The following DNAH17 variants were observed in gnomAD, a reference collection of about 807,000 sequenced individuals.
The protein encoded by DNAH17 is dynein axonemal heavy chain 17.
DNAH17 carries 376 observed loss-of-function variants against 485.6 expected under a neutral mutation model. That is an observed-to-expected ratio of 0.77 (90% confidence interval 0.71 to 0.84). The LOEUF is 0.84. Ranked by LOEUF, DNAH17 falls within the 40% of genes least tolerant of loss-of-function variation. DNAH17 has a pLI of 0.00. For synonymous variants in DNAH17, 3,031 were observed against 2,405.9 expected, an observed-to-expected ratio of 1.26 and a Z score of -7.60; for missense variants, 6,370 against 5,839.3, an observed-to-expected ratio of 1.09 and a Z score of -2.96.
chr17:78,438,013 C>T, intron 73 of DNAH17, 145 bp from the exon 74 acceptor site: 2 of 606,994 alleles, frequency 3.3e-6, no homozygotes, highest in Non-Finnish European at 5.7e-6. Context: ...CTGCCCCACC[C>T]CTCACCTGTC....
intron 6 of DNAH17, 114 bp downstream of exon 6, chr17:78,570,834 G>T: frequency 1.6e-6 from 1 of 638,848 alleles, no homozygotes; most frequent in East Asian, 3.7e-5. Context: ...CTCTAGCCTG[G>T]TGACAGAGCG....
In DNAH17 at chr17:78,449,467, G is replaced by C. The variant is rs931460919; in HGVS notation, c.11158C>G (p.Arg3720Gly). 3 of 1,558,314 alleles carry C rather than the reference G, an allele frequency of 1.9e-6. No homozygotes were observed. The highest frequency in any genetic ancestry group is 1.7e-6 in the Non-Finnish European group (2 of 1,150,792). ...AGTTTGTCCCTCTCGAAGAGTCCCC[G>C]GGCCGTGTACATGTAGACGGAGTAG... ...ITYSVYMYTA[R>G]GLFERDKLIF... The change falls in exon 69 of 81, where the codon CGG becomes GGG. Residue 3720 changes from arginine (R) to glycine (G), a missense_variant. By Grantham distance (125) the Arg-to-Gly change is moderately radical. Coordinates refer to ENST00000389840, the MANE Select transcript of DNAH17 (RefSeq NM_173628.4).
At chr17:78,570,873 A>AAAG (rs2092344589) in intron 6 of DNAH17, 75 bp downstream of exon 6, 1 of 790,586 alleles carries the variant, frequency 1.3e-6, no homozygotes, top group Non-Finnish European at 1.8e-6. Flanking sequence ...AAAAAAAAAA[A>AAAG]AAAAAGAAAA....
chr17:78,434,101 C>T lies in DNAH17; in HGVS notation c.12153G>A (p.Ser4051=), dbSNP rs143586804. ...TGAGGTCCCCGTTGTTGAAGGGGTA[C>T]GACCGGTTCCAGCCCTGGGCGCCGA... ...RKFGAQGWNR[S]YPFNNGDLTI... is the part of the protein sequence containing the mutation. The change falls in exon 75 of 81, where the codon TCG becomes TCA. Residue 4051 remains serine, a synonymous_variant. Coordinates refer to ENST00000389840, the MANE Select transcript of DNAH17 (RefSeq NM_173628.4). 7.4e-5 allele frequency: 119 copies of T among 1,613,476 alleles called. No homozygotes were observed. Among genetic ancestry groups the T allele is most frequent in the Admixed American group, 1.8e-4 (11 of 59,984 alleles).
At chr17:78,545,609 C>T (rs953794771) in intron 16 of DNAH17, among the ~76,000 whole-genome samples, 4 of 152,118 alleles carry the variant, frequency 2.6e-5, no homozygotes, top group African/African-American at 7.2e-5. Flanking sequence ...CTCCCCAGGG[C>T]CACGTCTCCA....
At chr17:78,510,360 G>C in intron 27 of DNAH17, 24 bp downstream of exon 27, 3 of 1,610,136 alleles carry the variant, frequency 1.9e-6, no homozygotes, top group Non-Finnish European at 2.5e-6. Flanking sequence ...ACGTTGCACA[G>C]ACAGCACCGC....
At chr17:78,569,576 G>GA in intron 7 of DNAH17, 49 bp from the exon 8 acceptor site, 1 of 1,569,192 alleles carries the variant, frequency 6.4e-7, no homozygotes, top group Non-Finnish European at 8.6e-7. Context: ...AGCCATTTGG[G>GA]GTGACGTCCA....
chr17:78,556,233 C>A (rs561158863), intron 14 of DNAH17, among the ~76,000 whole-genome samples: 2 of 152,266 alleles, frequency 1.3e-5, no homozygotes, highest in African/African-American at 2.4e-5. Flanking sequence ...CCATCCATCC[C>A]TCCATCCTCC....
Position 78,492,783 on chromosome 17 carries a change from C to A in DNAH17, c.6409-18G>T. Reference sequence around the variant, plus strand: ...TTGAGGACCTGGCGAAGGTGGGGGTCACTCACGTGTGACTCCATGTTCCTG... The same window carrying A: ...TTGAGGACCTGGCGAAGGTGGGGGTAACTCACGTGTGACTCCATGTTCCTG... On this transcript the variant is annotated intron_variant, in intron 41 of 80. Transcript: ENST00000389840. 2 of 1,605,902 alleles carry A rather than the reference C, an allele frequency of 1.2e-6. No homozygotes were observed. The highest frequency in any genetic ancestry group is 2.2e-5 in the South Asian group (2 of 90,220).
chr17:78,567,310 CCT>C (rs1352095932), intron 9 of DNAH17, 144 bp from the exon 10 acceptor site: 2 of 763,974 alleles, frequency 2.6e-6, no homozygotes, highest in Admixed American at 2.8e-5. Context: ...GGGAGGACAC[CCT>C]CTGTGTCTGT....
rs140052280 is a variant in DNAH17, at chr17:78,567,034, C to T, written c.1417G>A (p.Asp473Asn). The change falls in exon 10 of 81, where the codon GAC (aspartate) becomes AAC (asparagine). Residue 473 changes from aspartate (D) to asparagine (N), a missense_variant. Coordinates refer to ENST00000389840, the MANE Select transcript of DNAH17 (RefSeq NM_173628.4). The stretch of plus-strand genomic sequence containing the variant: ...GGGTCCAAGGGATCATATTTGCAGT[C>T]GGCAAAAACCTTCACCAGCTCAAAG... The part of the protein sequence containing the change: ...EVFELVKVFA[D>N]CKYDPLDPGD... The T allele has an allele frequency of 4.5e-3, 7,233 of 1,613,538 alleles. 152 individuals are homozygous for T. The highest frequency in any genetic ancestry group is 0.041 in the East Asian group (1,852 of 44,858).
chr17:78,437,786 C>A lies in DNAH17; in HGVS notation c.11888G>T (p.Arg3963Leu). Reference protein sequence around the residue: ...HYSTGSHEDYRVFISAEPAPS... With the variant: ...HYSTGSHEDYLVFISAEPAPS... Reference sequence around the variant, plus strand: ...GGCAGGCTCCGCGCTGATGAACACCCGGTAGTCCTCATGGCTGCCCGTGCT... The same window carrying A: ...GGCAGGCTCCGCGCTGATGAACACCAGGTAGTCCTCATGGCTGCCCGTGCT... Residue 3963 changes from arginine to leucine, a missense_variant, in exon 74 of 81, where the codon CGG (arginine) becomes CTG (leucine). Coordinates refer to ENST00000389840, the MANE Select transcript of DNAH17 (RefSeq NM_173628.4). The A allele has an allele frequency of 6.2e-7, 1 of 1,612,576 alleles. No individual in the cohort carries two copies. Among genetic ancestry groups the A allele is most frequent in the Non-Finnish European group, 8.5e-7 (1 of 1,179,776 alleles).
chr17:78,426,909 G>C lies in DNAH17; in HGVS notation c.12771+17C>G. On this transcript the variant is annotated intron_variant, in intron 78 of 80. Transcript: ENST00000389840. ...CCATCCAGCCACGTCCCTGGGGCCG[G>C]GCTGACCCATGTTTACCTTCAGCCC... is the stretch of plus-strand genomic sequence containing the variant. 10 of 1,588,922 alleles carry C rather than the reference G, an allele frequency of 6.3e-6. No individual in the cohort carries two copies. The highest frequency in any genetic ancestry group is 6.9e-6 in the Non-Finnish European group (8 of 1,167,454).
rs377174623 is a variant in DNAH17, at chr17:78,462,931, G to A, written c.9087C>T (p.Asn3029=). 3.1e-6 allele frequency: 5 copies of A among 1,613,856 alleles called. No homozygotes were observed. The highest frequency in any genetic ancestry group is 1.1e-5 in the South Asian group (1 of 91,086). The change falls in exon 57 of 81, where the codon AAC becomes AAT. Residue 3029 remains asparagine (N), a synonymous_variant. Coordinates refer to ENST00000389840, the MANE Select transcript of DNAH17 (RefSeq NM_173628.4). ...GTTCCGTTCTCTTCTTGGCCAGCAG[G>A]TTCTGGTACAGTTTGATCTGCTCCA... is the stretch of plus-strand genomic sequence containing the variant. The part of the protein sequence containing the change: ...TFLEQIKLYQ[N]LLAKKRTELV...
intron 66 of DNAH17, 25 bp downstream of exon 66, chr17:78,451,444 G>T (rs371942191): frequency 1.3e-6 from 2 of 1,589,542 alleles, no homozygotes; most frequent in African/African-American, 2.7e-5. Flanking sequence ...ACCTCCTCCC[G>T]TGTGACCAAA....
rs1432713394 is a variant in DNAH17, at chr17:78,501,340, T to C, written c.5327A>G (p.Glu1776Gly). 2 of 1,589,740 alleles carry C rather than the reference T, an allele frequency of 1.3e-6. No homozygotes were observed. Among genetic ancestry groups the C allele is most frequent in the Non-Finnish European group, 8.6e-7 (1 of 1,161,160 alleles). ...CTGCCAGGTGAAGGCCTGAGAACTC[T>C]CCACCTGCAGGATGAGCCGGAGCTC... ...VVAKMIVAKV[E>G]SSQAFTWQAQ... The change falls in exon 35 of 81, where the codon GAG becomes GGG. Residue 1776 changes from glutamate to glycine, a missense_variant. Transcript: ENST00000389840.
intron 9 of DNAH17, among the ~76,000 whole-genome samples, chr17:78,567,627 A>G (rs2092288923): frequency 6.6e-6 from 1 of 152,174 alleles, no homozygotes; most frequent in African/African-American, 2.4e-5. Context: ...AAGGTGATCC[A>G]AGAAGAAAGC....
chr17:78,486,613 G>T, intron 44 of DNAH17, 107 bp from the exon 45 acceptor site: 1 of 1,357,316 alleles, frequency 7.4e-7, no homozygotes, highest in Non-Finnish European at 9.9e-7. Context: ...TGCTGGGGCT[G>T]CCCTCAGGGT....
Position 78,574,364 on chromosome 17 carries a change from G to A in DNAH17, c.345+349C>T, listed in dbSNP as rs1311806911. Among the ~76,000 whole-genome samples, 4 of 152,134 alleles carry A rather than the reference G, an allele frequency of 2.6e-5. No homozygotes were observed. In the East Asian group the frequency reaches 7.7e-4, roughly 29 times the overall value. Reference sequence around the variant, plus strand: ...CAAAAAATACGAAAATTAGCCAGGTGTGGTGGTGCATGCCTGTGGTCCCAG... The same window carrying A: ...CAAAAAATACGAAAATTAGCCAGGTATGGTGGTGCATGCCTGTGGTCCCAG... On this transcript the variant is annotated intron_variant, in intron 2 of 80. Coordinates refer to ENST00000389840, the MANE Select transcript of DNAH17 (RefSeq NM_173628.4).
Sources: allele counts gnomAD v4.1 joint callset (sites outside exome capture counted in the v4.1 genomes callset), GRCh38; gene constraint gnomAD v4.1.1; transcripts MANE v1.5; gene names NCBI Gene and HGNC (gene_info 2026-07-23, HGNC 2026-07-21).